Variants in ZNF318 observed in about 807,000 individuals in gnomAD.
ZNF318 encodes endocrine regulator.
ZNF318 carries 51 observed loss-of-function variants against 124.2 expected under a neutral mutation model. That is an observed-to-expected ratio of 0.41 (90% CI 0.33 to 0.52). The LOEUF (loss-of-function observed/expected upper bound fraction) is 0.52. Among genes scored for constraint, ZNF318 ranks in the 20% least tolerant of loss-of-function variants. The pLI, the probability that ZNF318 is intolerant of heterozygous loss-of-function variation, is 0.23. For synonymous variants in ZNF318, 1,090 were observed against 1,040.7 expected (o/e 1.05, Z -0.91); for missense variants, 2,815 against 2,811.2 (o/e 1.00, Z -0.03).
chr6:43,355,416 A>C lies in ZNF318; in HGVS notation c.1918T>G (p.Phe640Val), dbSNP rs761120044. The C allele has an allele frequency of 3.7e-6, 6 of 1,614,192 alleles. No homozygotes were observed. The Admixed American group carries it at 1.0e-4, about 27-fold the overall frequency. The part of the protein sequence containing the change: ...ADRRSSVDRY[F>V]SADHCSSVDH... ...ACTGAGGAACAGTGGTCAGCTGAAAAGTATCGGTCAACTGAGGAACGGCGG... is the reference window on the plus strand; with the variant it reads ...ACTGAGGAACAGTGGTCAGCTGAAACGTATCGGTCAACTGAGGAACGGCGG... Residue 640 changes from phenylalanine to valine, a missense_variant, in exon 4 of 10, where the codon TTT becomes GTT. Transcript: ENST00000361428.
chr6:43,340,026 G>A lies in ZNF318; in HGVS notation c.3972C>T (p.Leu1324=). 1.2e-6 allele frequency: 2 copies of A among 1,614,184 alleles called. No homozygotes were observed. Among genetic ancestry groups the A allele is most frequent in the Non-Finnish European group, 8.5e-7 (1 of 1,180,028 alleles). The part of the protein sequence containing the change: ...AGKAKPIKIK[L]SGKTVVAHTS... ...TATGTGCAACAACAGTTTTCCCAGA[G>A]AGCTTGATTTTGATAGGCTTTGCCT... The change falls in exon 10 of 10, where the codon CTC becomes CTT. Residue 1324 remains leucine (L), a synonymous_variant. Coordinates refer to ENST00000361428, the MANE Select transcript of ZNF318 (RefSeq NM_014345.3).
In ZNF318 at chr6:43,339,475, G is replaced by A. The variant is rs138724501; in HGVS notation, c.4523C>T (p.Ala1508Val). 5.6e-6 allele frequency: 9 copies of A among 1,614,128 alleles called. No homozygotes were observed. The highest frequency in any genetic ancestry group is 7.6e-6 in the Non-Finnish European group (9 of 1,180,040). Residue 1508 changes from alanine to valine, a missense_variant, in exon 10 of 10, where the codon GCA becomes GTA. By Grantham distance (64) the Ala-to-Val change is moderately conservative. Coordinates refer to ENST00000361428, the MANE Select transcript of ZNF318 (RefSeq NM_014345.3). This position sits in a 1 kb window ranked among gnomAD's most constrained non-coding sequence, Gnocchi z 4.2. The stretch of plus-strand genomic sequence containing the variant: ...ATCAGAAGGAATGGCAGCTGGCTGT[G>A]CTGAGGCCATGATGGCTACAGGCAA... ...PVLPVAIMAS[A>V]QPAAIPSDET...
At chr6:43,344,461 T>C (rs915666706) in intron 6 of ZNF318, among the ~76,000 whole-genome samples, 4 of 152,226 alleles carry the variant, frequency 2.6e-5, no homozygotes, top group African/African-American at 7.2e-5. Context: ...AATGGTATTA[T>C]AGAAGTGTAT....
Position 43,340,143 on chromosome 6 carries a change from CTCT to C in ZNF318, c.3852_3854del (p.Glu1286del). On this transcript the variant is annotated inframe_deletion, in exon 10 of 10. Coordinates refer to ENST00000361428, the MANE Select transcript of ZNF318 (RefSeq NM_014345.3). The stretch of plus-strand genomic sequence containing the variant: ...TTGGGGTCACCAATGAACTTTTCTC[CTCT>C]TCTTTTTCTGGCTTCTTCCAGCTGA... The C allele has an allele frequency of 6.2e-7, 1 of 1,614,070 alleles. No individual in the cohort carries two copies. The highest frequency in any genetic ancestry group is 8.5e-7 in the Non-Finnish European group (1 of 1,179,998).
intron 3 of ZNF318, among the ~76,000 whole-genome samples, chr6:43,356,513 A>T (rs1057455613): frequency 6.6e-6 from 1 of 152,242 alleles, no homozygotes; most frequent in Non-Finnish European, 1.5e-5. Flanking sequence ...GAAACTCTGG[A>T]ACGCTAACTC....
At position 43,355,098 on chromosome 6, in the gene ZNF318, G is replaced by A; in HGVS notation, c.2236C>T (p.Pro746Ser). The change falls in exon 4 of 10, where the codon CCA becomes TCA. Residue 746 changes from proline to serine, a missense_variant. Pro to Ser is a moderately conservative substitution (Grantham distance 74). Transcript: ENST00000361428. Reference sequence around the variant, plus strand: ...TGTGGAAGTCTAATTGGGGCAGATGGGGCTGATGGCAACATGCACCTGACT... The same window carrying A: ...TGTGGAAGTCTAATTGGGGCAGATGAGGCTGATGGCAACATGCACCTGACT... ...VAVRCMLPSA[P>S]SAPIRLPHTA... is the part of the protein sequence containing the mutation. 6.2e-7 allele frequency: 1 copy of A among 1,614,196 alleles called. No individual in the cohort carries two copies. Among genetic ancestry groups the A allele is most frequent in the Non-Finnish European group, 8.5e-7 (1 of 1,180,050 alleles).
At chr6:43,366,027 GC>G (rs1417331074) in intron 1 of ZNF318, among the ~76,000 whole-genome samples, 1 of 151,988 alleles carries the variant, frequency 6.6e-6, no homozygotes, top group African/African-American at 2.4e-5. Context: ...AAGGAGGTAA[GC>G]CAAAAACAAG....
chr6:43,349,696 G>A (rs1039178618), intron 5 of ZNF318, among the ~76,000 whole-genome samples: 6 of 152,194 alleles, frequency 3.9e-5, no homozygotes, highest in South Asian at 4.2e-4. Context: ...GCCTTGTTAT[G>A]TTCTTTTCCT....
In ZNF318 at chr6:43,355,609, T is replaced by C. The variant is rs1021870606; in HGVS notation, c.1725A>G (p.Pro575=). The C allele has an allele frequency of 6.8e-6, 11 of 1,614,120 alleles. No homozygotes were observed. The highest frequency in any genetic ancestry group is 1.6e-4 in the Middle Eastern group (1 of 6,084). Residue 575 remains proline (P), a synonymous_variant, in exon 4 of 10, where the codon CCA becomes CCG. Transcript: ENST00000361428. ...QKASSLPSSA[P]AVKLESLEET... is the part of the protein sequence containing the mutation. ...CTTCTAGTGATTCTAGCTTTACAGC[T>C]GGAGCTGAAGACGGCAGGGAGCTTG...
chr6:43,369,147 T>TGGCGGGGAC lies in ZNF318; in HGVS notation c.210_218dup (p.Ser71_Pro73dup). 8.2e-7 allele frequency: 1 copy of TGGCGGGGAC among 1,221,294 alleles called. No individual in the cohort carries two copies. The highest frequency in any genetic ancestry group is 1.0e-6 in the Non-Finnish European group (1 of 981,972). 75.7% of individuals were successfully genotyped at this position (1,221,294 alleles called of 1,614,324 possible). A position where few individuals can be genotyped will look rare whatever the true frequency, so the allele number is the denominator to read the frequency against. On this transcript the variant is annotated inframe_insertion, in exon 1 of 10. Transcript: ENST00000361428. The stretch of plus-strand genomic sequence containing the variant: ...GGGACGGGGAGACGCGACGACCCCG[T>TGGCGGGGAC]GGCGGGGACGGCGAGGCCCGGCGGC...
chr6:43,350,731 G>A (rs1779513257), intron 5 of ZNF318, among the ~76,000 whole-genome samples: 1 of 152,028 alleles, frequency 6.6e-6, no homozygotes, highest in Admixed American at 6.6e-5. Context: ...GATCACCTGA[G>A]CCAGGAAGCG....
rs759732693 is a variant in ZNF318 at position 43,339,701 on chromosome 6, G to A, written c.4297C>T (p.Pro1433Ser). ...AGTATTTGTTCAGGTAAATGAGATG[G>A]CTCACTCTTTTCAGCCAACACCACT... ...EKVVLAEKSEPSHLPEQILPP... is the reference protein window; with the variant it reads ...EKVVLAEKSESSHLPEQILPP... Residue 1433 changes from proline to serine, a missense_variant, in exon 10 of 10, where the codon CCA (proline) becomes TCA (serine). By Grantham distance (74) the Pro-to-Ser change is moderately conservative (BLOSUM62 -1). Coordinates refer to ENST00000361428, the MANE Select transcript of ZNF318 (RefSeq NM_014345.3). This position sits in a 1 kb window ranked among gnomAD's most constrained non-coding sequence, Gnocchi z 4.2. The A allele has an allele frequency of 6.2e-7, 1 of 1,613,920 alleles. No individual in the cohort carries two copies. Among genetic ancestry groups the A allele is most frequent in the South Asian group, 1.1e-5 (1 of 91,066 alleles).
Position 43,352,435 on chromosome 6 carries a change from G to T in ZNF318, c.2712C>A (p.Ala904=). The T allele has an allele frequency of 6.2e-7, 1 of 1,614,076 alleles. No individual in the cohort carries two copies. Among genetic ancestry groups the T allele is most frequent in the Non-Finnish European group, 8.5e-7 (1 of 1,180,002 alleles). The change falls in exon 5 of 10, where the codon GCC becomes GCA. Residue 904 remains alanine (A), a synonymous_variant. Transcript: ENST00000361428. The part of the protein sequence containing the change: ...EREKLKNDRE[A]RQKKMYYLRT... ...TAAGATAGTACATCTTCTTCTGGCGGGCTTCCCGGTCATTCTTTAGTTTTT... is the reference window on the plus strand; with the variant it reads ...TAAGATAGTACATCTTCTTCTGGCGTGCTTCCCGGTCATTCTTTAGTTTTT...
rs752540825 is a variant in ZNF318, at chr6:43,354,751, C to T, written c.2583G>A (p.Val861=). ...SLRGSIPAAQ[V]PVQVSIPSLI... Reference sequence around the variant, plus strand: ...GTGATGGAATGGACACCTGGACAGGCACTTGGGCCGCAGGAATTGAGCCTC... The same window carrying T: ...GTGATGGAATGGACACCTGGACAGGTACTTGGGCCGCAGGAATTGAGCCTC... Residue 861 remains valine, a synonymous_variant, in exon 4 of 10, where the codon GTG becomes GTA. Coordinates refer to ENST00000361428, the MANE Select transcript of ZNF318 (RefSeq NM_014345.3). 2 of 1,614,152 alleles carry T rather than the reference C, an allele frequency of 1.2e-6. No individual in the cohort carries two copies. The highest frequency in any genetic ancestry group is 1.3e-5 in the African/African-American group (1 of 75,036).
Position 43,338,505 on chromosome 6 carries a change from A to T in ZNF318, c.5493T>A (p.Ile1831=). ...TATTGGACTGTTCAGCCTCTTTGTC[A>T]ATCATTAGCAAGTTGGGCTGTTTTA... ...GEVKQPNLLM[I]DKEAEQSNKL... The change falls in exon 10 of 10, where the codon ATT becomes ATA. Residue 1831 remains isoleucine, a synonymous_variant. Coordinates refer to ENST00000361428, the MANE Select transcript of ZNF318 (RefSeq NM_014345.3). 6.2e-7 allele frequency: 1 copy of T among 1,614,162 alleles called. No homozygotes were observed. The highest frequency in any genetic ancestry group is 8.5e-7 in the Non-Finnish European group (1 of 1,180,030).
At chr6:43,341,945 T>C (rs1206557854) in intron 8 of ZNF318, among the ~76,000 whole-genome samples, 167 bp downstream of exon 8, 1 of 152,188 alleles carries the variant, frequency 6.6e-6, no homozygotes, top group African/African-American at 2.4e-5. Flanking sequence ...GATCTCTTTA[T>C]AGCTTCAGGA....
chr6:43,346,945 A>T (rs1465398082), intron 6 of ZNF318, among the ~76,000 whole-genome samples: 1 of 152,200 alleles, frequency 6.6e-6, no homozygotes, highest in Non-Finnish European at 1.5e-5. Flanking sequence ...TAACTTTTGA[A>T]CCTTAAAATC....
At chr6:43,362,680 T>A (rs1756105093) in intron 2 of ZNF318, among the ~76,000 whole-genome samples, 1 of 151,876 alleles carries the variant, frequency 6.6e-6, no homozygotes. Context: ...ATTTTTGTAT[T>A]TTTGGTAGAG....
chr6:43,347,126 G>GA (rs1025044121), intron 6 of ZNF318, among the ~76,000 whole-genome samples: 4 of 152,192 alleles, frequency 2.6e-5, no homozygotes, highest in African/African-American at 9.7e-5. Context: ...ATTGGAGTTA[G>GA]AAGAGTAGAT....
Sources: allele counts gnomAD v4.1 joint callset (sites outside exome capture counted in the v4.1 genomes callset), GRCh38; gene constraint gnomAD v4.1.1; non-coding constraint Gnocchi (gnomAD v3.1); transcripts MANE v1.5; gene names NCBI Gene and HGNC (gene_info 2026-07-23, HGNC 2026-07-21).